Variants in CENPU observed in about 807,000 individuals in gnomAD.
CENPU encodes the protein centromere protein U, also known as KSHV latent nuclear antigen interacting protein 1.
CENPU carries 46 observed loss-of-function variants against 56.7 expected under a neutral mutation model. That is an observed-to-expected ratio of 0.81 (90% CI 0.64 to 1.04). The LOEUF (loss-of-function observed/expected upper bound fraction) is 1.04, where lower values mean the gene tolerates loss of function less well. CENPU is among the 50% of genes least tolerant of loss of function. CENPU has a pLI of 0.00. For synonymous variants in CENPU, 166 were observed against 163.0 expected (o/e 1.02, Z -0.14); for missense variants, 510 against 490.1 (o/e 1.04, Z -0.38).
chr4:184,733,776 C>A (rs551982239), intron 1 of CENPU, among the ~76,000 whole-genome samples: 1 of 152,242 alleles, frequency 6.6e-6, no homozygotes, highest in Non-Finnish European at 1.5e-5. Context: ...CAAAACGACA[C>A]GACACTGGCT....
chr4:184,702,545 CTTTT>C (rs1054525041), intron 8 of CENPU, 104 bp from the exon 9 acceptor site: 3 of 674,982 alleles, frequency 4.4e-6, no homozygotes, highest in East Asian at 6.0e-5. Flanking sequence ...TGGCATATAC[CTTTT>C]TTTATTTTAA....
chr4:184,720,615 CAAAG>C (rs1761243411), intron 4 of CENPU, among the ~76,000 whole-genome samples: 1 of 151,960 alleles, frequency 6.6e-6, no homozygotes. Flanking sequence ...AGGTCAAAGA[CAAAG>C]AATCTAAAAG....
intron 10 of CENPU, 95 bp from the exon 11 acceptor site, chr4:184,700,976 AC>A: frequency 2.1e-6 from 2 of 955,002 alleles, no homozygotes; most frequent in Non-Finnish European, 3.4e-6. Flanking sequence ...GGAAAACAAG[AC>A]AGACCCAGTT....
intron 6 of CENPU, chr4:184,713,790 C>A (rs1761000543): frequency 1.3e-5 from 2 of 152,348 alleles, no homozygotes; most frequent in Non-Finnish European, 2.9e-5. Context: ...CCCCACTCCA[C>A]ACACATACAA....
intron 8 of CENPU, among the ~76,000 whole-genome samples, chr4:184,709,296 G>A (rs2150210746): frequency 6.6e-6 from 1 of 152,208 alleles, no homozygotes; most frequent in East Asian, 1.9e-4. Context: ...AGACCATCCT[G>A]GCCAACATGG....
At chr4:184,731,013 T>G in intron 1 of CENPU, 45 bp from the exon 2 acceptor site, 1 of 1,398,350 alleles carries the variant, frequency 7.2e-7, no homozygotes, top group East Asian at 2.5e-5. Flanking sequence ...ATAGTTAAAA[T>G]AACTGAGGAA....
rs564856228 is a variant in CENPU at position 184,694,618 on chromosome 4, T to G, written c.*670A>C. On this transcript the variant is annotated 3_prime_UTR_variant, in exon 13 of 13. Coordinates refer to ENST00000281453, the MANE Select transcript of CENPU (RefSeq NM_024629.4). ...ACCTAGCAGGCTGTCAACAGGTGCA[T>G]CTGCTGATGCTGTCTGGGATAATGG... 2 of 1,614,126 alleles carry G rather than the reference T, an allele frequency of 1.2e-6. No homozygotes were observed. Among genetic ancestry groups the G allele is most frequent in the South Asian group, 2.2e-5 (2 of 91,086 alleles).
intron 11 of CENPU, chr4:184,699,456 T>C: frequency 1.5e-6 from 1 of 647,348 alleles, no homozygotes; most frequent in Non-Finnish European, 2.4e-6. Flanking sequence ...GTGATGATGA[T>C]GAGTTAGCAT....
intron 11 of CENPU, 105 bp downstream of exon 11, chr4:184,700,715 C>G (rs1266583765): frequency 2.0e-6 from 2 of 1,002,786 alleles, no homozygotes; most frequent in Non-Finnish European, 3.2e-6. Context: ...TGAAGATAAC[C>G]TGGGGCTTTA....
At chr4:184,702,012 C>T in intron 10 of CENPU, 77 bp downstream of exon 10, 3 of 934,856 alleles carry the variant, frequency 3.2e-6, no homozygotes, top group Non-Finnish European at 5.1e-6. Flanking sequence ...AGGCTGTAAA[C>T]CCAGAGTCAA....
At chr4:184,704,678 A>C (rs1399029582) in intron 8 of CENPU, among the ~76,000 whole-genome samples, 1 of 152,188 alleles carries the variant, frequency 6.6e-6, no homozygotes, top group Non-Finnish European at 1.5e-5. Context: ...GAAATAAGAC[A>C]GTCACAAAAG....
At chr4:184,717,093 C>T in intron 5 of CENPU, 43 bp downstream of exon 5, 1 of 1,318,034 alleles carries the variant, frequency 7.6e-7, no homozygotes, top group Non-Finnish European at 1.1e-6. Flanking sequence ...TCCAATCAAA[C>T]TATATTACAA....
intron 11 of CENPU, chr4:184,699,611 A>T (rs1409976584): frequency 7.8e-7 from 1 of 1,288,792 alleles, no homozygotes; most frequent in South Asian, 1.2e-5. Flanking sequence ...GACTCAATTT[A>T]GAAACCAACA....
At position 184,710,184 on chromosome 4, in the gene CENPU, A is replaced by G. The variant is rs28666955; in HGVS notation, c.689-4T>C. On this transcript the variant is annotated splice_region_variant and splice_polypyrimidine_tract_variant and intron_variant, in intron 7 of 12. Transcript: ENST00000281453. ...ATGTGCACAATGTCAGAAGTATCTA[A>G]AATATTAAGATAAGTTAACATGCTG... 0.15 allele frequency: 241,663 copies of G among 1,577,026 alleles called. 19,909 individuals are homozygous for G. Among genetic ancestry groups the G allele is most frequent in the African/African-American group, 0.27 (19,768 of 74,122 alleles).
At chr4:184,729,477 A>C (rs1761565139) in intron 2 of CENPU, among the ~76,000 whole-genome samples, 1 of 152,248 alleles carries the variant, frequency 6.6e-6, no homozygotes, top group African/African-American at 2.4e-5. Context: ...GCTGTGTTCC[A>C]ATACAATTTG....
intron 4 of CENPU, among the ~76,000 whole-genome samples, chr4:184,719,053 A>T (rs1393163311): frequency 1.3e-5 from 2 of 152,300 alleles, no homozygotes; most frequent in East Asian, 3.9e-4. Flanking sequence ...CAGCAGAATC[A>T]CCTACACATA....
intron 5 of CENPU, 101 bp downstream of exon 5, chr4:184,717,035 A>G: frequency 1.3e-6 from 1 of 758,678 alleles, no homozygotes. Flanking sequence ...TTTGCATCCA[A>G]TCTAAAGAGG....
intron 3 of CENPU, among the ~76,000 whole-genome samples, chr4:184,727,844 T>C (rs28618216): frequency 0.18 from 27,060 of 152,086 alleles, 2,682 homozygotes; most frequent in African/African-American, 0.26. Flanking sequence ...TAGATACACG[T>C]TACAACATGG....
chr4:184,708,902 GAC>G, intron 8 of CENPU, among the ~76,000 whole-genome samples: 1 of 152,058 alleles, frequency 6.6e-6, no homozygotes, highest in East Asian at 1.9e-4. Flanking sequence ...AACAGAGACA[GAC>G]ACACACAACA....
Sources: gnomAD v4.1 joint callset for allele counts (sites outside exome capture counted in the v4.1 genomes callset) on GRCh38, gnomAD v4.1.1 for gene constraint, MANE v1.5 for transcripts, NCBI Gene and HGNC (gene_info 2026-07-23, HGNC 2026-07-21) for gene names.